ZDHHC11: variants seen among roughly 807,000 people sequenced by gnomAD.
ZDHHC11 encodes zDHHC palmitoyltransferase 11, also known as palmitoyltransferase ZDHHC11.
Under a neutral mutation model 51.3 loss-of-function variants are expected in ZDHHC11, and 44 were observed. The observed-to-expected ratio is 0.86, with a 90% CI of 0.67 to 1.10. ZDHHC11 has a LOEUF of 1.10. Among genes scored for constraint, ZDHHC11 ranks in the 50% least tolerant of loss-of-function variants. ZDHHC11 has a pLI of 0.00. For missense variants in ZDHHC11, 400 were observed against 537.7 expected (o/e 0.74, Z 2.53); for synonymous variants, 163 against 222.0 (o/e 0.73, Z 2.36).
At chr5:824,104 A>C (rs773139315) in intron 8 of ZDHHC11, 3 of 454,754 alleles carry the variant, frequency 6.6e-6, no homozygotes, top group South Asian at 4.7e-5. Context: ...CTGCCCCCAC[A>C]GGGAAGGAGA....
rs1311243928 is a variant in ZDHHC11, at chr5:795,802, C to T, written c.*786G>A. On this transcript the variant is annotated 3_prime_UTR_variant, in exon 13 of 13. Transcript: ENST00000283441. ...AATCCAGGTCTGGGGTTTCCCAGTA[C>T]TATGCTCCCATTTCCCAGTACTGTG... The T allele has an allele frequency of 6.5e-6, 1 of 154,384 alleles. No individual in the cohort carries two copies. The highest frequency in any genetic ancestry group is 2.4e-5 in the African/African-American group (1 of 41,190). 9.6% of individuals were successfully genotyped at this position (154,384 alleles called of 1,614,324 possible). A position where few individuals can be genotyped will look rare whatever the true frequency, so the allele number is the denominator to read the frequency against.
chr5:855,639 GGGC>G (rs1309551952), upstream of ZDHHC11, among the ~76,000 whole-genome samples: 1 of 149,102 alleles, frequency 6.7e-6, no homozygotes. Flanking sequence ...GTGAGCTGGG[GGGC>G]ACAGACCCCA....
At chr5:815,478 T>C (rs1455453614) in intron 10 of ZDHHC11, among the ~76,000 whole-genome samples, 2 of 151,678 alleles carry the variant, frequency 1.3e-5, no homozygotes, top group Non-Finnish European at 2.9e-5. Flanking sequence ...TGCTCGCCAA[T>C]GTGGCATCAT....
At chr5:802,633 G>A (rs1738595726) in intron 11 of ZDHHC11, among the ~76,000 whole-genome samples, 1 of 149,952 alleles carries the variant, frequency 6.7e-6, no homozygotes, top group East Asian at 1.9e-4. Context: ...TGAATTATTT[G>A]GAAACTCTGC....
At chr5:849,221 C>T (rs1489111221) in intron 1 of ZDHHC11, among the ~76,000 whole-genome samples, 2 of 152,178 alleles carry the variant, frequency 1.3e-5, no homozygotes, top group African/African-American at 2.4e-5. Flanking sequence ...GCCCCCGTGC[C>T]CCTTTTGGTT....
rs55643066 is a variant in ZDHHC11, at chr5:813,359, C to G, written c.1181+1402G>C. Among the ~76,000 whole-genome samples, 63 of 139,580 alleles carry G rather than the reference C, an allele frequency of 4.5e-4. 2 individuals are homozygous for G. In the East Asian group the frequency reaches 8.7e-3, roughly 19 times the overall value. The allele number at this position is 139,580 out of a possible 152,430, so 91.6% of individuals were successfully genotyped here. A position where few individuals can be genotyped will look rare whatever the true frequency, so the allele number is the denominator to read the frequency against. ...ATAAAAAAATAAAAAAATAAATGTT[C>G]CTCCATGATCCAGGGCAGCTGGGTT... On this transcript the variant is annotated intron_variant, in intron 11 of 12. Coordinates refer to ENST00000283441, the MANE Select transcript of ZDHHC11 (RefSeq NM_024786.3).
chr5:816,070 T>G (rs1207011745), intron 10 of ZDHHC11, among the ~76,000 whole-genome samples: 1 of 151,594 alleles, frequency 6.6e-6, no homozygotes, highest in South Asian at 2.1e-4. Context: ...GTTCAAATCT[T>G]TTGCCCATTT....
upstream of ZDHHC11, among the ~76,000 whole-genome samples, chr5:855,025 G>C (rs1432067452): frequency 6.7e-6 from 1 of 149,198 alleles, no homozygotes; most frequent in East Asian, 2.0e-4. Flanking sequence ...AGTGAGCCAG[G>C]GGGACAGAAC....
intron 8 of ZDHHC11, chr5:823,775 A>T (rs2277059): frequency 0.2 from 58,111 of 284,930 alleles, 9,630 homozygotes; most frequent in African/African-American, 0.55. Context: ...CACACATAGA[A>T]GCTGCAGAGA....
chr5:851,180 A>G (rs1245878326), upstream of ZDHHC11, among the ~76,000 whole-genome samples: 1 of 152,162 alleles, frequency 6.6e-6, no homozygotes, highest in Non-Finnish European at 1.5e-5. Context: ...TTCCCAGAGG[A>G]GCAGGACCCG....
At chr5:851,706 G>C (rs994476387), upstream of ZDHHC11, among the ~76,000 whole-genome samples, 7 of 152,204 alleles carry the variant, frequency 4.6e-5, no homozygotes, top group African/African-American at 7.2e-5. Flanking sequence ...CCTGGGGCTT[G>C]AGTCACACAA....
intron 11 of ZDHHC11, among the ~76,000 whole-genome samples, chr5:806,512 C>T (rs1186490069): frequency 1.3e-5 from 2 of 150,934 alleles, no homozygotes; most frequent in Non-Finnish European, 3.0e-5. Context: ...AAAAGCATTA[C>T]TTATACAATA....
At position 850,670 on chromosome 5, in the gene ZDHHC11, C is replaced by G; in HGVS notation, c.-68G>C. On this transcript the variant is annotated 5_prime_UTR_variant, in exon 1 of 13. Transcript: ENST00000283441. ...GGAGGGCCGGCCCCGCCCACTGTCACAGAGACCAAGGGGACTGGGAATGCA... is the reference window on the plus strand; with the variant it reads ...GGAGGGCCGGCCCCGCCCACTGTCAGAGAGACCAAGGGGACTGGGAATGCA... 1.3e-6 allele frequency: 2 copies of G among 1,578,262 alleles called. No homozygotes were observed. The highest frequency in any genetic ancestry group is 1.7e-6 in the Non-Finnish European group (2 of 1,158,700).
At chr5:796,759 G>C (rs1205709184) in intron 12 of ZDHHC11, among the ~76,000 whole-genome samples, 179 bp from the exon 13 acceptor site, 1 of 152,228 alleles carries the variant, frequency 6.6e-6, no homozygotes, top group African/African-American at 2.4e-5. Context: ...GCTGGGTCTA[G>C]TGAGAGTCCT....
At chr5:839,742 G>C (rs1439587836) in intron 5 of ZDHHC11, 1 of 166,140 alleles carries the variant, frequency 6.0e-6, no homozygotes, top group African/African-American at 2.4e-5. Flanking sequence ...CCTCTGCCCT[G>C]ACCAGGGGTT....
chr5:816,497 A>C, intron 10 of ZDHHC11: 1 of 506,882 alleles, frequency 2.0e-6, no homozygotes, highest in Admixed American at 2.3e-5. Context: ...GACAAGTGGG[A>C]TGGATCAGCT....
intron 11 of ZDHHC11, among the ~76,000 whole-genome samples, chr5:813,126 C>T (rs966594932): frequency 1.4e-5 from 2 of 144,886 alleles, no homozygotes; most frequent in Non-Finnish European, 3.0e-5. Context: ...CGCTTGAGCT[C>T]AGGAGTTCGA....
At chr5:807,980 CA>C (rs1387054428) in intron 11 of ZDHHC11, among the ~76,000 whole-genome samples, 2 of 151,070 alleles carry the variant, frequency 1.3e-5, no homozygotes, top group African/African-American at 2.5e-5. Flanking sequence ...AAGAGAAGGC[CA>C]CAGGCGGGGT....
intron 1 of ZDHHC11, among the ~76,000 whole-genome samples, chr5:857,571 C>T (rs1440865452): frequency 4.0e-5 from 6 of 150,768 alleles, no homozygotes; most frequent in Non-Finnish European, 5.9e-5. Context: ...TTTATGACTC[C>T]GTGGTCCCCC....
Sources: allele counts gnomAD v4.1 joint callset (sites outside exome capture counted in the v4.1 genomes callset), GRCh38; gene constraint gnomAD v4.1.1; transcripts MANE v1.5; gene names NCBI Gene and HGNC (gene_info 2026-07-23, HGNC 2026-07-21).